C3orf70: variants seen among roughly 807,000 people sequenced by gnomAD.
C3orf70 encodes UPF0524 protein C3orf70.
C3orf70 carries 15 observed loss-of-function variants against 20.7 expected under a neutral mutation model. The ratio of observed to expected loss-of-function variants is 0.72; its 90% CI spans 0.48 to 1.11. C3orf70 has a LOEUF of 1.11. Among genes scored for constraint, C3orf70 ranks in the 50% most tolerant of loss-of-function variants. C3orf70 has a pLI of 0.00. For synonymous variants in C3orf70, 161 were observed against 125.7 expected (o/e 1.28, Z -1.88); for missense variants, 332 against 317.6 (o/e 1.05, Z -0.34).
rs77940805 is a variant in C3orf70, at chr3:185,089,881, T to C, written c.197-6318A>G. On this transcript the variant is annotated intron_variant, in intron 1 of 1. Coordinates refer to ENST00000335012, the MANE Select transcript of C3orf70 (RefSeq NM_001025266.3). The stretch of plus-strand genomic sequence containing the variant: ...AAATAAGTAACTTCCACTATTAAAG[T>C]TTTGATTCATAATATTTATGATGTT... 7.4e-3 allele frequency among the ~76,000 whole-genome samples: 1,121 copies of C among 152,338 alleles called. 43 individuals carry two copies. Among genetic ancestry groups the C allele is most frequent in the East Asian group, 0.054 (279 of 5,190 alleles).
chr3:185,120,170 G>A (rs1450277223), intron 1 of C3orf70, among the ~76,000 whole-genome samples: 1 of 152,102 alleles, frequency 6.6e-6, no homozygotes, highest in Non-Finnish European at 1.5e-5. Context: ...ATACATTTCT[G>A]TCTAACGGTG....
chr3:185,123,124 A>G (rs1390949251), intron 1 of C3orf70, among the ~76,000 whole-genome samples: 2 of 146,066 alleles, frequency 1.4e-5, no homozygotes, highest in East Asian at 4.1e-4. Flanking sequence ...GGTTGCAGTG[A>G]GCCAAGATCG....
intron 1 of C3orf70, among the ~76,000 whole-genome samples, chr3:185,093,788 C>T (rs911877704): frequency 1.3e-5 from 2 of 151,736 alleles, no homozygotes; most frequent in African/African-American, 4.8e-5. Flanking sequence ...GGCGGGGGGA[C>T]GTATGGGATG....
chr3:185,095,122 T>G (rs780800855), intron 1 of C3orf70, among the ~76,000 whole-genome samples: 4 of 152,188 alleles, frequency 2.6e-5, no homozygotes, highest in Non-Finnish European at 4.4e-5. Context: ...TCATTTTCAT[T>G]ACCATTATTA....
At chr3:185,134,116 C>CATATATATATAT (rs1553921592) in intron 1 of C3orf70, among the ~76,000 whole-genome samples, 2 of 134,668 alleles carry the variant, frequency 1.5e-5, no homozygotes, top group African/African-American at 5.4e-5. Context: ...AAAAATACAT[C>CATATATATATAT]ATATATATAT....
chr3:185,110,905 T>A (rs1421657935), intron 1 of C3orf70, among the ~76,000 whole-genome samples: 1 of 152,216 alleles, frequency 6.6e-6, no homozygotes, highest in Non-Finnish European at 1.5e-5. Context: ...AATAAATATG[T>A]GTGTAAATCT....
chr3:185,101,270 C>T (rs964819314), intron 1 of C3orf70, among the ~76,000 whole-genome samples: 2 of 152,142 alleles, frequency 1.3e-5, no homozygotes, highest in African/African-American at 4.8e-5. Context: ...AACATCAATG[C>T]AAAAATCCTC....
intron 1 of C3orf70, among the ~76,000 whole-genome samples, chr3:185,104,497 A>C (rs1715886172): frequency 6.6e-6 from 1 of 152,200 alleles, no homozygotes; most frequent in Admixed American, 6.5e-5. Flanking sequence ...GGAATATAAA[A>C]TCATTCTATC....
intron 1 of C3orf70, among the ~76,000 whole-genome samples, chr3:185,146,060 C>G (rs11919395): frequency 0.81 from 117,060 of 143,674 alleles, 47,814 homozygotes; most frequent in Non-Finnish European, 0.84. Context: ...CTCTGTCTCT[C>G]GAAGAACCTA....
At chr3:185,133,518 G>A (rs770479557) in intron 1 of C3orf70, among the ~76,000 whole-genome samples, 1 of 152,036 alleles carries the variant, frequency 6.6e-6, no homozygotes, top group Non-Finnish European at 1.5e-5. Context: ...CGAGGCAGGC[G>A]GATCACCTGA....
intron 1 of C3orf70, among the ~76,000 whole-genome samples, chr3:185,116,094 T>C (rs1046802123): frequency 1.3e-5 from 2 of 152,212 alleles, no homozygotes; most frequent in African/African-American, 2.4e-5. Flanking sequence ...GGTGCAGAAT[T>C]TGGAAGCCCA....
chr3:185,103,013 G>C (rs565907010), intron 1 of C3orf70, among the ~76,000 whole-genome samples: 1 of 152,296 alleles, frequency 6.6e-6, no homozygotes, highest in South Asian at 2.1e-4. Flanking sequence ...GGGAGGCTGA[G>C]GTGAGTGGAT....
Position 185,107,568 on chromosome 3 carries a change from C to G in C3orf70, c.197-24005G>C, listed in dbSNP as rs541628888. ...GAACCTACACCTTTAAAATGGTTAA[C>G]AGATAAGCCAATTTGGATAGAACAA... On this transcript the variant is annotated intron_variant, in intron 1 of 1. Coordinates refer to ENST00000335012, the MANE Select transcript of C3orf70 (RefSeq NM_001025266.3). Among the ~76,000 whole-genome samples, 16 of 152,278 alleles carry G rather than the reference C, an allele frequency of 1.1e-4. No homozygotes were observed. In the East Asian group the frequency reaches 2.5e-3, roughly 24 times the overall value.
At chr3:185,115,625 A>G (rs1716158721) in intron 1 of C3orf70, among the ~76,000 whole-genome samples, 1 of 152,148 alleles carries the variant, frequency 6.6e-6, no homozygotes, top group African/African-American at 2.4e-5. Flanking sequence ...GAGTGAGCCA[A>G]CCAAAGGTAA....
At chr3:185,097,419 G>A (rs544010613) in intron 1 of C3orf70, among the ~76,000 whole-genome samples, 1 of 152,242 alleles carries the variant, frequency 6.6e-6, no homozygotes, top group Admixed American at 6.5e-5. Context: ...ACTAAGTGAA[G>A]CCAAGAGAGC....
chr3:185,128,998 T>A (rs73190990), intron 1 of C3orf70, among the ~76,000 whole-genome samples: 8,935 of 152,308 alleles, frequency 0.059, 379 homozygotes, highest in South Asian at 0.11. Flanking sequence ...ATTTTAAAAA[T>A]TCAATTATCT....
At chr3:185,145,790 G>A (rs1001734225) in intron 1 of C3orf70, among the ~76,000 whole-genome samples, 4 of 152,190 alleles carry the variant, frequency 2.6e-5, no homozygotes, top group Admixed American at 2.0e-4. Flanking sequence ...TTGTTGTGAC[G>A]TTTAAATGAG....
At chr3:185,119,346 G>A (rs1716244479) in intron 1 of C3orf70, among the ~76,000 whole-genome samples, 2 of 152,132 alleles carry the variant, frequency 1.3e-5, no homozygotes, top group Non-Finnish European at 2.9e-5. Context: ...TGTTATATAT[G>A]GCACTTGAAA....
At chr3:185,130,417 G>T (rs1716502752) in intron 1 of C3orf70, among the ~76,000 whole-genome samples, 1 of 152,182 alleles carries the variant, frequency 6.6e-6, no homozygotes, top group South Asian at 2.1e-4. Context: ...TCGCACCATT[G>T]CTCTCCAGCC....
Sources: allele counts gnomAD v4.1 joint callset (sites outside exome capture counted in the v4.1 genomes callset), GRCh38; gene constraint gnomAD v4.1.1; transcripts MANE v1.5; gene names NCBI Gene and HGNC (gene_info 2026-07-23, HGNC 2026-07-21).